CNOT4: variants seen among roughly 807,000 people sequenced by gnomAD.
The protein encoded by CNOT4 is CCR4-NOT transcription complex subunit 4, also known as CCR4-associated factor 4.
CNOT4 carries 8 observed loss-of-function variants against 73.8 expected under a neutral mutation model. That is an observed-to-expected ratio of 0.11 (90% CI 0.06 to 0.20). CNOT4 has a LOEUF of 0.20. Ranked by LOEUF, CNOT4 falls within the 10% of genes least tolerant of loss-of-function variation. The pLI, the probability that CNOT4 is intolerant of heterozygous loss-of-function variation, is 1.00. For missense variants in CNOT4, 564 were observed against 883.4 expected, an observed-to-expected ratio of 0.64 and a Z score of 4.58; for synonymous variants, 293 against 321.1, an observed-to-expected ratio of 0.91 and a Z score of 0.94.
Position 135,438,435 on chromosome 7 carries a change from GA to G in CNOT4, c.-92-13del. ...AGGACTTTGACGACCTGCATGAGAA[GA>G]AACAAAATACATTGTTTACTACTGG... On this transcript the variant is annotated splice_polypyrimidine_tract_variant and intron_variant, in intron 1 of 11. Transcript: ENST00000541284. 2 of 833,484 alleles carry G rather than the reference GA, an allele frequency of 2.4e-6. No individual in the cohort carries two copies. 51.6% of individuals were successfully genotyped at this position (833,484 alleles called of 1,614,324 possible).
intron 3 of CNOT4, 22 bp from the exon 4 acceptor site, chr7:135,415,284 G>T: frequency 3.2e-6 from 4 of 1,239,424 alleles, no homozygotes; most frequent in Non-Finnish European, 4.7e-6. Flanking sequence ...GAAGAAATAA[G>T]GTATAAACTG....
chr7:135,497,755 T>C (rs1454816397), intron 1 of CNOT4, among the ~76,000 whole-genome samples: 2 of 152,224 alleles, frequency 1.3e-5, no homozygotes, highest in Admixed American at 1.3e-4. Context: ...ACAGGTTCAT[T>C]TTCCATTACT....
chr7:135,438,898 A>G lies in CNOT4; in HGVS notation c.-92-475T>C, dbSNP rs1047319794. On this transcript the variant is annotated intron_variant, in intron 1 of 11. Transcript: ENST00000541284. ...CATCAAACTCTTGACACAGAGAAAC[A>G]TAGGCTAAAACTCAGAAAAACTCGG... Among the ~76,000 whole-genome samples the G allele has an allele frequency of 2.0e-5, 3 of 152,334 alleles. No homozygotes were observed. In the East Asian group the frequency reaches 5.8e-4, roughly 29 times the overall value.
At position 135,453,848 on chromosome 7, in the gene CNOT4, T is replaced by TATATATATAAA. The variant is rs61345541; in HGVS notation, c.-92-15426_-92-15425insTTTATATATAT. On this transcript the variant is annotated intron_variant, in intron 1 of 11. Transcript: ENST00000541284. ...ATTTTATATATATATATATATATAT[T>TATATATATAAA]ATATATATAGCTGGTACAGCAGCTC... Among the ~76,000 whole-genome samples the TATATATATAAA allele has an allele frequency of 3.3e-3, 390 of 116,710 alleles. 17 individuals carry two copies. In the East Asian group the frequency reaches 0.049, roughly 15 times the overall value. The allele number at this position is 116,710 out of a possible 152,430, so 76.6% of individuals were successfully genotyped here. A position where few individuals can be genotyped will look rare whatever the true frequency, so the allele number is the denominator to read the frequency against.
At chr7:135,507,725 CTG>C (rs1283079235) in intron 1 of CNOT4, among the ~76,000 whole-genome samples, 4 of 152,208 alleles carry the variant, frequency 2.6e-5, no homozygotes, top group South Asian at 2.1e-4. Flanking sequence ...GTTTCTAAAC[CTG>C]TGTTAGGATT....
At chr7:135,479,879 G>T (rs901670676) in intron 1 of CNOT4, among the ~76,000 whole-genome samples, 9 of 152,068 alleles carry the variant, frequency 5.9e-5, no homozygotes, top group African/African-American at 2.2e-4. Flanking sequence ...GACAGAGTGA[G>T]AACTTACATC....
intron 1 of CNOT4, among the ~76,000 whole-genome samples, chr7:135,449,428 A>G (rs1183002716): frequency 6.6e-6 from 1 of 152,234 alleles, no homozygotes; most frequent in Non-Finnish European, 1.5e-5. Flanking sequence ...CAAATTTCCA[A>G]GAATTGGTTA....
At chr7:135,453,142 G>C (rs574196112) in intron 1 of CNOT4, among the ~76,000 whole-genome samples, 2 of 152,184 alleles carry the variant, frequency 1.3e-5, no homozygotes, top group African/African-American at 4.8e-5. Flanking sequence ...AGTCCGTCTG[G>C]ACTCCTATAA....
At chr7:135,495,488 G>A (rs74354602) in intron 1 of CNOT4, among the ~76,000 whole-genome samples, 2,863 of 127,370 alleles carry the variant, frequency 0.022, 100 homozygotes, top group East Asian at 0.11. Context: ...CTGGGAGACA[G>A]AGCGAGACTC....
At chr7:135,467,855 T>C (rs1229026429) in intron 1 of CNOT4, among the ~76,000 whole-genome samples, 1 of 152,218 alleles carries the variant, frequency 6.6e-6, no homozygotes, top group Non-Finnish European at 1.5e-5. Flanking sequence ...CACTTTTTAA[T>C]TTAAGCACAC....
At chr7:135,472,553 ATATAT>A (rs1801702203) in intron 1 of CNOT4, among the ~76,000 whole-genome samples, 1 of 103,136 alleles carries the variant, frequency 9.7e-6, no homozygotes, top group Non-Finnish European at 1.9e-5. Context: ...ATATATATAT[ATATAT>A]AAAGTGATCC....
At chr7:135,425,330 C>G (rs1226857739) in intron 2 of CNOT4, among the ~76,000 whole-genome samples, 1 of 152,006 alleles carries the variant, frequency 6.6e-6, no homozygotes, top group Non-Finnish European at 1.5e-5. Context: ...ACACATGAGG[C>G]AAAGTCATGT....
intron 1 of CNOT4, among the ~76,000 whole-genome samples, chr7:135,495,736 AAGAAAGAAAGAAAGAAAGAAAG>A (rs1803512309): frequency 7.6e-6 from 1 of 131,352 alleles, no homozygotes; most frequent in East Asian, 2.0e-4. Context: ...GAAAGAAAGA[AAGAAAGAAAGAAAGAAAGAAAG>A]AAAGAAATTT....
At chr7:135,469,209 C>G (rs925664588) in intron 1 of CNOT4, among the ~76,000 whole-genome samples, 1 of 151,714 alleles carries the variant, frequency 6.6e-6, no homozygotes, top group Non-Finnish European at 1.5e-5. Flanking sequence ...CTAGTATATA[C>G]ATCAGGTACT....
intron 1 of CNOT4, among the ~76,000 whole-genome samples, chr7:135,484,436 T>C (rs1488680721): frequency 1.3e-5 from 2 of 151,942 alleles, no homozygotes; most frequent in Non-Finnish European, 2.9e-5. Flanking sequence ...CCCAAAATAA[T>C]TAAGTTTAGC....
rs1435121800 is a variant in CNOT4 at position 135,457,046 on chromosome 7, GT to G, written c.-92-18624del. ...TAAAACCAATATATAAAAATCCACT[GT>G]ATTTCAAAATACTAGCAACATGCAA... On this transcript the variant is annotated intron_variant, in intron 1 of 11. Transcript: ENST00000541284. 2.0e-5 allele frequency among the ~76,000 whole-genome samples: 3 copies of G among 151,978 alleles called. 1 individual carries two copies. Among genetic ancestry groups the G allele is most frequent in the Non-Finnish European group, 4.4e-5 (3 of 67,966 alleles).
At chr7:135,370,589 C>T (rs1339330691) in intron 10 of CNOT4, among the ~76,000 whole-genome samples, 1 of 152,214 alleles carries the variant, frequency 6.6e-6, no homozygotes, top group Non-Finnish European at 1.5e-5. Context: ...CACAACTCCG[C>T]TGAAAAGCCT....
chr7:135,400,107 G>A (rs979307267), intron 7 of CNOT4, among the ~76,000 whole-genome samples: 1 of 151,974 alleles, frequency 6.6e-6, no homozygotes, highest in African/African-American at 2.4e-5. Flanking sequence ...CTCAGCAGGA[G>A]AAGAAAGGGG....
chr7:135,380,238 T>C (rs143204782), intron 10 of CNOT4, among the ~76,000 whole-genome samples: 281 of 152,334 alleles, frequency 1.8e-3, no homozygotes, highest in Non-Finnish European at 3.1e-3. Context: ...GTGTATGTAA[T>C]ACATCTTGGT....
Sources: gnomAD v4.1 joint callset for allele counts (sites outside exome capture counted in the v4.1 genomes callset) on GRCh38, gnomAD v4.1.1 for gene constraint, MANE v1.5 for transcripts, NCBI Gene and HGNC (gene_info 2026-07-23, HGNC 2026-07-21) for gene names.